Variants in SLC9C1 observed in about 807,000 individuals in gnomAD.
SLC9C1 encodes sodium/hydrogen exchanger 10.
SLC9C1 carries 97 observed loss-of-function variants against 140.9 expected under a neutral mutation model. The observed-to-expected ratio is 0.69, with a 90% CI of 0.58 to 0.82. SLC9C1 has a LOEUF of 0.82. SLC9C1 is among the 40% of genes least tolerant of loss of function. The pLI is 0.00. For missense variants in SLC9C1, 1,340 were observed against 1,389.3 expected, an observed-to-expected ratio of 0.96 and a Z score of 0.56; for synonymous variants, 440 against 442.6, an observed-to-expected ratio of 0.99 and a Z score of 0.07.
At chr3:112,161,767 T>A (rs1009367792) in intron 26 of SLC9C1, among the ~76,000 whole-genome samples, 1 of 151,742 alleles carries the variant, frequency 6.6e-6, no homozygotes, top group Non-Finnish European at 1.5e-5. Flanking sequence ...CTTTTTTGGT[T>A]CCATATGAAC....
intron 28 of SLC9C1, among the ~76,000 whole-genome samples, chr3:112,149,185 C>T (rs1463330780): frequency 6.6e-6 from 1 of 152,114 alleles, no homozygotes; most frequent in Non-Finnish European, 1.5e-5. Flanking sequence ...TTGGGTCAGG[C>T]TGCTGATCCA....
At chr3:112,282,865 G>T (rs888107881) in intron 2 of SLC9C1, among the ~76,000 whole-genome samples, 3 of 152,084 alleles carry the variant, frequency 2.0e-5, no homozygotes, top group African/African-American at 7.2e-5. Context: ...ACCCTTTATA[G>T]AGGGGAAAAA....
chr3:112,179,616 A>G lies in SLC9C1; in HGVS notation c.2834T>C (p.Met945Thr). ...CTCTCCTATTATTTCTCCACTGAGC[A>G]TATAGTCTGTGTCAATTATCGGAAA... The part of the protein sequence containing the change: ...KDFPIIDTDY[M>T]LSGEIIGEIN... The change falls in exon 23 of 29, where the codon ATG (methionine) becomes ACG (threonine). Residue 945 changes from methionine (M) to threonine (T), a missense_variant. Transcript: ENST00000305815. 6.2e-7 allele frequency: 1 copy of G among 1,612,106 alleles called. No individual in the cohort carries two copies. The highest frequency in any genetic ancestry group is 8.5e-7 in the Non-Finnish European group (1 of 1,179,190).
chr3:112,255,067 G>A (rs942965392), intron 10 of SLC9C1, among the ~76,000 whole-genome samples: 1 of 152,074 alleles, frequency 6.6e-6, no homozygotes, highest in Non-Finnish European at 1.5e-5. Flanking sequence ...TAACAGAGGA[G>A]CACTGAGATT....
At chr3:112,196,244 G>T (rs7625249) in intron 20 of SLC9C1, among the ~76,000 whole-genome samples, 118,480 of 151,810 alleles carry the variant, frequency 0.78, 46,512 homozygotes, top group East Asian at 0.99. Flanking sequence ...CCAAGTTTTC[G>T]GGTAAGAAAT....
At chr3:112,143,456 A>T (rs964404868) in intron 28 of SLC9C1, among the ~76,000 whole-genome samples, 2 of 151,992 alleles carry the variant, frequency 1.3e-5, no homozygotes, top group African/African-American at 4.8e-5. Flanking sequence ...GTAGTATCTC[A>T]TTGTGGTTTT....
chr3:112,187,776 GAA>G (rs962459854), intron 20 of SLC9C1, among the ~76,000 whole-genome samples: 3 of 151,770 alleles, frequency 2.0e-5, no homozygotes, highest in African/African-American at 7.3e-5. Flanking sequence ...GGGGCAATAC[GAA>G]AAGTTTTGCA....
chr3:112,220,326 T>G (rs899528658), intron 14 of SLC9C1, among the ~76,000 whole-genome samples: 9 of 152,208 alleles, frequency 5.9e-5, no homozygotes, highest in African/African-American at 2.2e-4. Flanking sequence ...TCCTTCAGTG[T>G]ACCACAAGGT....
chr3:112,272,311 G>A (rs1462327664), intron 6 of SLC9C1, among the ~76,000 whole-genome samples: 1 of 152,168 alleles, frequency 6.6e-6, no homozygotes, highest in Non-Finnish European at 1.5e-5. Flanking sequence ...GATTTGTTAA[G>A]CCAGGAAAAG....
intron 14 of SLC9C1, among the ~76,000 whole-genome samples, chr3:112,219,206 C>T (rs922929961): frequency 1.3e-5 from 2 of 152,166 alleles, no homozygotes; most frequent in Admixed American, 6.5e-5. Context: ...AAACCCTCCA[C>T]TCTTTCTTTT....
intron 27 of SLC9C1, among the ~76,000 whole-genome samples, chr3:112,153,656 T>C (rs2107860832): frequency 6.6e-6 from 1 of 152,336 alleles, no homozygotes; most frequent in East Asian, 1.9e-4. Flanking sequence ...CAGTGTACTT[T>C]TCATTTCTTT....
At position 112,199,447 on chromosome 3, in the gene SLC9C1, T is replaced by C. The variant is rs1403301368; in HGVS notation, c.2397A>G (p.Pro799=). ...KELGYLEYDH[P]EIAVTVKTKE... ...TTGTTTTCACAGTGACAGCAATTTC[T>C]GGGTGATCATACTCTAAGTAGCCTA... Residue 799 remains proline, a synonymous_variant, in exon 20 of 29, where the codon CCA becomes CCG. Coordinates refer to ENST00000305815, the MANE Select transcript of SLC9C1 (RefSeq NM_183061.3). 29 of 1,593,310 alleles carry C rather than the reference T, an allele frequency of 1.8e-5. No individual in the cohort carries two copies. Among genetic ancestry groups the C allele is most frequent in the Non-Finnish European group, 2.4e-5 (28 of 1,171,604 alleles).
chr3:112,149,113 G>A (rs2074885851), intron 28 of SLC9C1, among the ~76,000 whole-genome samples: 1 of 152,106 alleles, frequency 6.6e-6, no homozygotes, highest in Non-Finnish European at 1.5e-5. Context: ...AGATCTGTGT[G>A]AGCGTGGAGC....
At chr3:112,265,612 G>A (rs2079897565) in intron 8 of SLC9C1, among the ~76,000 whole-genome samples, 1 of 152,068 alleles carries the variant, frequency 6.6e-6, no homozygotes, top group South Asian at 2.1e-4. Flanking sequence ...TCCACCCTAT[G>A]TATTGAAGCA....
intron 16 of SLC9C1, 88 bp from the exon 17 acceptor site, chr3:112,204,491 C>G: frequency 7.2e-7 from 1 of 1,385,840 alleles, no homozygotes; most frequent in Non-Finnish European, 9.7e-7. Flanking sequence ...TCATGTTAGG[C>G]TTTTCTCTTA....
rs1224298683 is a variant in SLC9C1 at position 112,157,332 on chromosome 3, T to C, written c.3365-2283A>G. Among the ~76,000 whole-genome samples the C allele has an allele frequency of 3.3e-5, 5 of 152,244 alleles. No homozygotes were observed. In the South Asian group the frequency reaches 8.3e-4, roughly 25 times the overall value. On this transcript the variant is annotated intron_variant, in intron 26 of 28. Coordinates refer to ENST00000305815, the MANE Select transcript of SLC9C1 (RefSeq NM_183061.3). ...TTGTTGAAAACGAGTTGGCTATCAG[T>C]GCATGGATTTATTTCTGGGTTCTTT...
chr3:112,188,953 G>C (rs2077593859), intron 20 of SLC9C1, among the ~76,000 whole-genome samples: 1 of 152,182 alleles, frequency 6.6e-6, no homozygotes, highest in Non-Finnish European at 1.5e-5. Context: ...TTATCTCACT[G>C]TGGTTTTGAT....
At chr3:112,238,917 AG>A (rs2079066356) in intron 12 of SLC9C1, among the ~76,000 whole-genome samples, 1 of 152,194 alleles carries the variant, frequency 6.6e-6, no homozygotes, top group Admixed American at 6.5e-5. Flanking sequence ...GACCCACTTG[AG>A]GAGGCAGTCT....
At chr3:112,189,801 T>A (rs1444427405) in intron 20 of SLC9C1, among the ~76,000 whole-genome samples, 1 of 152,222 alleles carries the variant, frequency 6.6e-6, no homozygotes, top group African/African-American at 2.4e-5. Flanking sequence ...GGCATGGTAT[T>A]GAATCTATTA....
Sources: allele counts gnomAD v4.1 joint callset (sites outside exome capture counted in the v4.1 genomes callset), GRCh38; gene constraint gnomAD v4.1.1; transcripts MANE v1.5; gene names NCBI Gene and HGNC (gene_info 2026-07-23, HGNC 2026-07-21).